CALN1: variants seen among roughly 807,000 people sequenced by gnomAD.
The protein encoded by CALN1 is calcium-binding protein 8.
In CALN1, 17 loss-of-function variants were observed where a neutral mutation model predicts 30.6. The observed-to-expected ratio is 0.56, with a 90% confidence interval of 0.38 to 0.83. The LOEUF is 0.83. Among genes scored for constraint, CALN1 ranks in the 40% least tolerant of loss-of-function variants. CALN1 has a pLI of 0.00. For missense variants in CALN1, 291 were observed against 354.9 expected, an observed-to-expected ratio of 0.82 and a Z score of 1.45; for synonymous variants, 156 against 131.4, an observed-to-expected ratio of 1.19 and a Z score of -1.28.
chr7:72,390,387 C>G (rs1434867394), intron 2 of CALN1, among the ~76,000 whole-genome samples: 1 of 151,754 alleles, frequency 6.6e-6, no homozygotes, highest in Non-Finnish European at 1.5e-5. Context: ...GCCGAGATCA[C>G]GCCACTGCAC....
At chr7:72,069,397 C>T (rs1804240137) in intron 4 of CALN1, among the ~76,000 whole-genome samples, 1 of 152,220 alleles carries the variant, frequency 6.6e-6, no homozygotes, top group Admixed American at 6.5e-5. Context: ...AATGATCTCA[C>T]AGTTCTGGAG....
chr7:71,963,221 G>A (rs1797340430), intron 5 of CALN1, among the ~76,000 whole-genome samples: 3 of 152,144 alleles, frequency 2.0e-5, no homozygotes, highest in South Asian at 2.1e-4. Flanking sequence ...GGAGTGCGGC[G>A]GCGCGATCTC....
Position 71,903,187 on chromosome 7 carries a change from T to G in CALN1, c.502-92695A>C, listed in dbSNP as rs549421021. Among the ~76,000 whole-genome samples, 84 of 152,108 alleles carry G rather than the reference T, an allele frequency of 5.5e-4. 1 individual carries two copies. The highest frequency in any genetic ancestry group is 2.0e-3 in the African/African-American group (81 of 41,508). Reference sequence around the variant, plus strand: ...ACCCTCTAGATCTATAATAAAATATTTAAAAAGGGCTAACTTAAATGAGAA... The same window carrying G: ...ACCCTCTAGATCTATAATAAAATATGTAAAAAGGGCTAACTTAAATGAGAA... On this transcript the variant is annotated intron_variant, in intron 5 of 6. Transcript: ENST00000395275.
chr7:72,242,688 G>C (rs1794917966), intron 3 of CALN1, among the ~76,000 whole-genome samples: 1 of 152,114 alleles, frequency 6.6e-6, no homozygotes, highest in Admixed American at 6.5e-5. Context: ...AGGAGTTTGA[G>C]ACCAGCCTGT....
intron 5 of CALN1, among the ~76,000 whole-genome samples, chr7:72,008,631 C>G (rs1038126657): frequency 1.3e-5 from 2 of 150,674 alleles, no homozygotes; most frequent in Admixed American, 6.6e-5. Context: ...CAAATTAATT[C>G]AAACCATGGT....
chr7:71,835,337 A>G (rs2116451661), intron 5 of CALN1, among the ~76,000 whole-genome samples: 1 of 152,346 alleles, frequency 6.6e-6, no homozygotes, highest in South Asian at 2.1e-4. Context: ...GCAGTTAGGA[A>G]TTACAACCCT....
At chr7:71,915,747 C>G (rs1349029667) in intron 5 of CALN1, among the ~76,000 whole-genome samples, 1 of 115,522 alleles carries the variant, frequency 8.7e-6, no homozygotes, top group African/African-American at 3.5e-5. Context: ...CAAAAACCAA[C>G]CAAACAAAAA....
At chr7:72,175,160 G>A (rs181432849) in intron 3 of CALN1, among the ~76,000 whole-genome samples, 1,882 of 151,430 alleles carry the variant, frequency 0.012, 43 homozygotes, top group African/African-American at 0.043. Context: ...TGCAAGCTCC[G>A]CCTCCCAGGT....
chr7:72,459,626 A>C, the CALN1 span, among the ~76,000 whole-genome samples: 5 of 132,472 alleles, frequency 3.8e-5, no homozygotes, highest in African/African-American at 1.6e-4. Flanking sequence ...ACCCTGTCTC[A>C]AAAAAAAAAA....
At chr7:72,410,722 A>T (rs1279898361) in intron 1 of CALN1, among the ~76,000 whole-genome samples, 1 of 152,216 alleles carries the variant, frequency 6.6e-6, no homozygotes, top group East Asian at 1.9e-4. Context: ...TAACATTGAA[A>T]ATCAGAGTAA....
At chr7:72,326,375 T>C (rs563476084) in intron 2 of CALN1, among the ~76,000 whole-genome samples, 1 of 152,358 alleles carries the variant, frequency 6.6e-6, no homozygotes, top group South Asian at 2.1e-4. Flanking sequence ...GTGACCTGGC[T>C]ACATCTCTGT....
intron 5 of CALN1, among the ~76,000 whole-genome samples, chr7:71,884,786 C>G (rs183387930): frequency 1.3e-5 from 2 of 152,076 alleles, no homozygotes; most frequent in Non-Finnish European, 2.9e-5. Flanking sequence ...GTTTCTTTGC[C>G]ATATTTTGAA....
chr7:72,003,817 T>C (rs1308742355), intron 5 of CALN1, among the ~76,000 whole-genome samples: 2 of 152,188 alleles, frequency 1.3e-5, no homozygotes, highest in African/African-American at 2.4e-5. Context: ...TGTGATGTGC[T>C]TGAATGATCC....
intron 5 of CALN1, among the ~76,000 whole-genome samples, chr7:71,989,010 A>G (rs1798815577): frequency 1.3e-5 from 2 of 152,132 alleles, no homozygotes; most frequent in African/African-American, 2.4e-5. Context: ...GCTTTTTTCT[A>G]TTACTCCTCA....
At chr7:72,438,718 T>C (rs1808254403) in intron 1 of CALN1, among the ~76,000 whole-genome samples, 2 of 152,204 alleles carry the variant, frequency 1.3e-5, no homozygotes, top group Non-Finnish European at 2.9e-5. Context: ...CCAGGCCTTA[T>C]GTTGCTTCAT....
intron 4 of CALN1, among the ~76,000 whole-genome samples, chr7:72,099,803 G>A (rs1806515494): frequency 6.6e-6 from 1 of 152,140 alleles, no homozygotes; most frequent in East Asian, 1.9e-4. Context: ...TACGTGATGG[G>A]TCACCGTGAA....
chr7:72,269,381 C>T (rs1796821536), intron 3 of CALN1, among the ~76,000 whole-genome samples: 2 of 152,040 alleles, frequency 1.3e-5, no homozygotes, highest in African/African-American at 4.8e-5. Flanking sequence ...ACAACAGGCC[C>T]CAGTGTGTGA....
chr7:72,115,002 A>G (rs1306915851), intron 3 of CALN1, among the ~76,000 whole-genome samples: 1 of 151,824 alleles, frequency 6.6e-6, no homozygotes, highest in Non-Finnish European at 1.5e-5. Context: ...TGGGCATGCA[A>G]CAGGAGCTCA....
intron 3 of CALN1, among the ~76,000 whole-genome samples, chr7:72,268,384 T>G (rs761136622): frequency 5.9e-5 from 9 of 152,098 alleles, no homozygotes; most frequent in Non-Finnish European, 1.0e-4. Flanking sequence ...TGTCACCAAG[T>G]CTAGATACCA....
Sources: gnomAD v4.1 joint callset for allele counts (sites outside exome capture counted in the v4.1 genomes callset) on GRCh38, gnomAD v4.1.1 for gene constraint, MANE v1.5 for transcripts, NCBI Gene and HGNC (gene_info 2026-07-23, HGNC 2026-07-21) for gene names.